MUC12: variants seen among roughly 807,000 people sequenced by gnomAD.
MUC12 encodes mucin-12.
MUC12 carries 172 observed loss-of-function variants against 230.8 expected under a neutral mutation model. That is an observed-to-expected ratio of 0.75 (90% CI 0.66 to 0.85). The LOEUF (loss-of-function observed/expected upper bound fraction) is 0.85. Ranked by LOEUF, MUC12 falls within the 40% of genes least tolerant of loss-of-function variation. MUC12 has a pLI of 0.00. For missense variants in MUC12, 3,506 were observed against 5,920.6 expected (o/e 0.59, Z 13.38); for synonymous variants, 1,259 against 2,401.9 (o/e 0.52, Z 13.91).
Position 101,008,764 on chromosome 7 carries a change from A to G in MUC12, c.15186+3A>G, listed in dbSNP as rs1793795694. ...TCAGTACCCTCTTCAAGAATCGGGT[A>G]AGACCAGGGCACACCCAGACACCCC... On this transcript the variant is annotated splice_donor_region_variant and intron_variant, in intron 4 of 11. Transcript: ENST00000536621. 6.5e-7 allele frequency: 1 copy of G among 1,536,896 alleles called. No homozygotes were observed. The highest frequency in any genetic ancestry group is 8.7e-7 in the Non-Finnish European group (1 of 1,146,730).
chr7:100,987,970 TA>T (rs34064326), intron 1 of MUC12, among the ~76,000 whole-genome samples: 223 of 113,988 alleles, frequency 2.0e-3, no homozygotes, highest in Admixed American at 2.6e-3. Context: ...AAACTACGTC[TA>T]AAAAAAAAAA....
In MUC12 at chr7:100,990,954, G is replaced by C. The variant is rs1793278933; in HGVS notation, c.391G>C (p.Ala131Pro). 1 of 1,537,640 alleles carries C rather than the reference G, an allele frequency of 6.5e-7. No individual in the cohort carries two copies. The highest frequency in any genetic ancestry group is 8.7e-7 in the Non-Finnish European group (1 of 1,147,032). Residue 131 changes from alanine to proline, a missense_variant, in exon 2 of 12, where the codon GCA (alanine) becomes CCA (proline). Transcript: ENST00000536621. ...AGCGTTACCTGGCAGTACCACAACA[G>C]CAGGCCTGAGTGAGAAATCTACCAC... ...TTALPGSTTTAGLSEKSTTFY... is the reference protein window; with the variant it reads ...TTALPGSTTTPGLSEKSTTFY...
In MUC12 at chr7:100,990,841, C is replaced by A; in HGVS notation, c.278C>A (p.Thr93Lys). 1 of 1,537,776 alleles carries A rather than the reference C, an allele frequency of 6.5e-7. No homozygotes were observed. The highest frequency in any genetic ancestry group is 8.7e-7 in the Non-Finnish European group (1 of 1,147,008). ...VSHSGPGATG[T>K]TLFPSHSATS... ...CACAGCGGCCCAGGTGCAACTGGAACAACACTCTTCCCTTCCCACTCTGCA... is the reference window on the plus strand; with the variant it reads ...CACAGCGGCCCAGGTGCAACTGGAAAAACACTCTTCCCTTCCCACTCTGCA... Residue 93 changes from threonine to lysine, a missense_variant, in exon 2 of 12, where the codon ACA becomes AAA. Physicochemically the swap from Thr to Lys is moderately conservative, Grantham distance 78. Transcript: ENST00000536621.
chr7:100,995,553 C>A lies in MUC12; in HGVS notation c.4990C>A (p.His1664Asn). The A allele has an allele frequency of 1.3e-6, 2 of 1,536,642 alleles. No homozygotes were observed. The highest frequency in any genetic ancestry group is 1.7e-6 in the Non-Finnish European group (2 of 1,146,968). The change falls in exon 2 of 12, where the codon CAC becomes AAC. Residue 1664 changes from histidine to asparagine, a missense_variant. Coordinates refer to ENST00000536621, the MANE Select transcript of MUC12 (RefSeq NM_001164462.2). ...CCTCCTTGAAGCATCTACGCCCGTCCACAGCAGCACTGGATCGCCACACAC... is the reference window on the plus strand; with the variant it reads ...CCTCCTTGAAGCATCTACGCCCGTCAACAGCAGCACTGGATCGCCACACAC... ...SGLLEASTPV[H>N]SSTGSPHTTL... is the part of the protein sequence containing the mutation.
Position 100,990,993 on chromosome 7 carries a change from C to A in MUC12, c.430C>A (p.Pro144Thr). The change falls in exon 2 of 12, where the codon CCC becomes ACC. Residue 144 changes from proline to threonine, a missense_variant. Coordinates refer to ENST00000536621, the MANE Select transcript of MUC12 (RefSeq NM_001164462.2). ...GAAATCTACCACCTTCTACAGTAGCCCCAGATCACCAGACAGAACACTCTC... is the reference window on the plus strand; with the variant it reads ...GAAATCTACCACCTTCTACAGTAGCACCAGATCACCAGACAGAACACTCTC... ...SEKSTTFYSS[P>T]RSPDRTLSPA... The A allele has an allele frequency of 6.5e-7, 1 of 1,537,874 alleles. No individual in the cohort carries two copies. The highest frequency in any genetic ancestry group is 2.4e-5 in the East Asian group (1 of 40,914).
Position 100,992,292 on chromosome 7 carries a change from T to A in MUC12, c.1729T>A (p.Tyr577Asn), listed in dbSNP as rs376065326. 1.2e-5 allele frequency: 19 copies of A among 1,536,802 alleles called. No homozygotes were observed. In the African/African-American group the frequency reaches 2.1e-4, roughly 17 times the overall value. The change falls in exon 2 of 12, where the codon TAT (tyrosine) becomes AAT (asparagine). Residue 577 changes from tyrosine (Y) to asparagine (N), a missense_variant. Coordinates refer to ENST00000536621, the MANE Select transcript of MUC12 (RefSeq NM_001164462.2). ...CACAGCATCATCCCTTGGTCCAGAATATACTACCTTCCACAGCCGCCCAGG... is the reference window on the plus strand; with the variant it reads ...CACAGCATCATCCCTTGGTCCAGAAAATACTACCTTCCACAGCCGCCCAGG... ...STTASSLGPE[Y>N]TTFHSRPGST... is the part of the protein sequence containing the mutation.
At chr7:100,970,329 A>G (rs1792845938) in intron 1 of MUC12, among the ~76,000 whole-genome samples, 1 of 152,074 alleles carries the variant, frequency 6.6e-6, no homozygotes, top group Non-Finnish European at 1.5e-5. Context: ...TCTACTAAAA[A>G]TACAAAAATT....
rs941890277 is a variant in MUC12 at position 100,969,773 on chromosome 7, A to G, written c.67+84A>G. ...CCCCTGCCTCAGGCAGCAGGGCTGCAGGTGGCCTCCTCCCCTTTGCATGGC... is the reference window on the plus strand; with the variant it reads ...CCCCTGCCTCAGGCAGCAGGGCTGCGGGTGGCCTCCTCCCCTTTGCATGGC... On this transcript the variant is annotated intron_variant, in intron 1 of 11. Coordinates refer to ENST00000536621, the MANE Select transcript of MUC12 (RefSeq NM_001164462.2). 4.6e-6 allele frequency: 7 copies of G among 1,525,368 alleles called. No homozygotes were observed. The African/African-American group carries it at 5.5e-5, about 12-fold the overall frequency. 94.5% of individuals were successfully genotyped at this position (1,525,368 alleles called of 1,614,324 possible).
At chr7:100,983,158 AC>A (rs1793135361) in intron 1 of MUC12, among the ~76,000 whole-genome samples, 1 of 151,508 alleles carries the variant, frequency 6.6e-6, no homozygotes, top group Admixed American at 6.6e-5. Flanking sequence ...TGTGGCTCAC[AC>A]CTGTAATCCC....
In MUC12 at chr7:100,990,614, T is replaced by A. The variant is rs1300615923; in HGVS notation, c.68-17T>A. 3.9e-6 allele frequency: 6 copies of A among 1,537,128 alleles called. No individual in the cohort carries two copies. The Admixed American group carries it at 5.9e-5, about 15-fold the overall frequency. On this transcript the variant is annotated splice_polypyrimidine_tract_variant and intron_variant, in intron 1 of 11. Coordinates refer to ENST00000536621, the MANE Select transcript of MUC12 (RefSeq NM_001164462.2). ...TCATAAATCATAGCACTTTCTCTGG[T>A]TTCTCTCAAATCACAGGCTCAACAG... is the stretch of plus-strand genomic sequence containing the variant.
intron 1 of MUC12, among the ~76,000 whole-genome samples, chr7:100,989,500 A>G (rs1303698210): frequency 1.3e-5 from 2 of 152,100 alleles, no homozygotes; most frequent in African/African-American, 4.8e-5. Flanking sequence ...GTGAGGAACA[A>G]AAGGAACGCG....
At position 100,972,771 on chromosome 7, in the gene MUC12, G is replaced by A. The variant is rs541796824; in HGVS notation, c.67+3082G>A. 8.8e-5 allele frequency: 59 copies of A among 674,254 alleles called. 1 individual carries two copies. The African/African-American group carries it at 9.0e-4, about 10-fold the overall frequency. 41.8% of individuals were successfully genotyped at this position (674,254 alleles called of 1,614,324 possible). Reference sequence around the variant, plus strand: ...TCTGCTCAGCTCGAACTCCCAAAGTGCTGGAATGACAGGTGCGAGCCACCG... The same window carrying A: ...TCTGCTCAGCTCGAACTCCCAAAGTACTGGAATGACAGGTGCGAGCCACCG... On this transcript the variant is annotated intron_variant, in intron 1 of 11. Coordinates refer to ENST00000536621, the MANE Select transcript of MUC12 (RefSeq NM_001164462.2).
intron 3 of MUC12, among the ~76,000 whole-genome samples, chr7:101,008,067 G>A (rs547400361): frequency 6.6e-6 from 1 of 151,686 alleles, no homozygotes; most frequent in East Asian, 1.9e-4. Flanking sequence ...GTCTCCCAAA[G>A]TGCTGGGATT....
In MUC12 at chr7:100,981,260, C is replaced by T. The variant is rs1793100171; in HGVS notation, c.68-9371C>T. The T allele has an allele frequency of 1.9e-5, 8 of 419,590 alleles. No homozygotes were observed. In the South Asian group the frequency reaches 4.9e-4, roughly 26 times the overall value. 26.0% of individuals were successfully genotyped at this position (419,590 alleles called of 1,614,324 possible). A position where few individuals can be genotyped will look rare whatever the true frequency, so the allele number is the denominator to read the frequency against. On this transcript the variant is annotated intron_variant, in intron 1 of 11. Coordinates refer to ENST00000536621, the MANE Select transcript of MUC12 (RefSeq NM_001164462.2). Reference sequence around the variant, plus strand: ...TGGAGGTTGAACTGGAGAAGGACCGCCGCACTTGCTCTGTGACATCCTTTG... The same window carrying T: ...TGGAGGTTGAACTGGAGAAGGACCGTCGCACTTGCTCTGTGACATCCTTTG...
At chr7:101,007,072 C>A (rs1014287175) in intron 3 of MUC12, among the ~76,000 whole-genome samples, 1 of 152,174 alleles carries the variant, frequency 6.6e-6, no homozygotes, top group Non-Finnish European at 1.5e-5. Context: ...GATTCTCCTG[C>A]CTCAGCCTCC....
rs769576598 is a variant in MUC12, at chr7:100,995,546, G to A, written c.4983G>A (p.Thr1661=). Residue 1661 remains threonine (T), a synonymous_variant, in exon 2 of 12, where the codon ACG becomes ACA. Coordinates refer to ENST00000536621, the MANE Select transcript of MUC12 (RefSeq NM_001164462.2). ...TTASGLLEAS[T]PVHSSTGSPH... ...CCTCAGGCCTCCTTGAAGCATCTACGCCCGTCCACAGCAGCACTGGATCGC... is the reference window on the plus strand; with the variant it reads ...CCTCAGGCCTCCTTGAAGCATCTACACCCGTCCACAGCAGCACTGGATCGC... 40 of 1,535,876 alleles carry A rather than the reference G, an allele frequency of 2.6e-5. No homozygotes were observed. The highest frequency in any genetic ancestry group is 5.9e-5 in the Admixed American group (3 of 50,880).
intron 2 of MUC12, among the ~76,000 whole-genome samples, chr7:101,005,986 C>T (rs1031601200): frequency 9.2e-5 from 14 of 152,064 alleles, no homozygotes; most frequent in Middle Eastern, 3.4e-3. Flanking sequence ...TTAGTAGAGA[C>T]GGGTTTTTAC....
At position 101,004,477 on chromosome 7, in the gene MUC12, A is replaced by G. The variant is rs191069047; in HGVS notation, c.13914A>G (p.Thr4638=). Residue 4638 remains threonine, a synonymous_variant, in exon 2 of 12, where the codon ACA becomes ACG. Transcript: ENST00000536621. ...EESRTSHSST[T]HTISSPPSTT... ...CAAGAACTTCCCACAGCAGCACAAC[A>G]CACACAATATCTTCACCTCCTAGCA... 9,066 of 1,530,634 alleles carry G rather than the reference A, an allele frequency of 5.9e-3. 39 individuals carry two copies. Among genetic ancestry groups the G allele is most frequent in the Non-Finnish European group, 7.3e-3 (8,377 of 1,145,410 alleles). The allele number at this position is 1,530,634 out of a possible 1,614,324, so 94.8% of individuals were successfully genotyped here. A position where few individuals can be genotyped will look rare whatever the true frequency, so the allele number is the denominator to read the frequency against.
At position 101,014,077 on chromosome 7, in the gene MUC12, G is replaced by A; in HGVS notation, c.15800+3G>A. 1.3e-6 allele frequency: 2 copies of A among 1,529,524 alleles called. No individual in the cohort carries two copies. The highest frequency in any genetic ancestry group is 1.2e-5 in the South Asian group (1 of 82,584). The allele number at this position is 1,529,524 out of a possible 1,614,324, so 94.7% of individuals were successfully genotyped here. The stretch of plus-strand genomic sequence containing the variant: ...CTATCCCAGAGAAAACGGCACAGGT[G>A]AGCTTGTGAGGCCAGCACCGCAGGC... On this transcript the variant is annotated splice_donor_region_variant and intron_variant, in intron 9 of 11. Transcript: ENST00000536621.
Sources: allele counts gnomAD v4.1 joint callset (sites outside exome capture counted in the v4.1 genomes callset), GRCh38; gene constraint gnomAD v4.1.1; transcripts MANE v1.5; gene names NCBI Gene and HGNC (gene_info 2026-07-23, HGNC 2026-07-21).